FHIT: variants seen among roughly 807,000 people sequenced by gnomAD.
The protein encoded by FHIT is fragile histidine triad diadenosine triphosphatase.
FHIT carries 19 observed loss-of-function variants against 17.9 expected under a neutral mutation model. The observed-to-expected ratio is 1.06, with a 90% confidence interval of 0.74 to 1.56. The LOEUF (loss-of-function observed/expected upper bound fraction) is 1.56. Ranked by LOEUF, FHIT falls within the 40% of genes most tolerant of loss-of-function variation. The probability of loss-of-function intolerance (pLI) is 0.00; values close to 1 mark genes in which losing one functional copy is unlikely to be tolerated. For missense variants in FHIT, 248 were observed against 189.2 expected, an observed-to-expected ratio of 1.31 and a Z score of -1.82; for synonymous variants, 81 against 69.7, an observed-to-expected ratio of 1.16 and a Z score of -0.81.
intron 2 of FHIT, among the ~76,000 whole-genome samples, chr3:61,130,800 A>C (rs1318356258): frequency 6.6e-6 from 1 of 152,180 alleles, no homozygotes; most frequent in Non-Finnish European, 1.5e-5. Context: ...TGTTGAGTAC[A>C]GACGAAAAGA....
intron 4 of FHIT, among the ~76,000 whole-genome samples, chr3:60,555,776 AAC>A (rs2107634158): frequency 6.6e-6 from 1 of 152,296 alleles, no homozygotes; most frequent in Admixed American, 6.5e-5. Context: ...AGCATCATCC[AAC>A]ACTAACAAGC....
intron 8 of FHIT, among the ~76,000 whole-genome samples, chr3:59,828,135 C>T (rs2106690794): frequency 6.6e-6 from 1 of 152,274 alleles, no homozygotes; most frequent in East Asian, 1.9e-4. Flanking sequence ...CATGACTGAT[C>T]ATTTGATATT....
chr3:61,203,376 C>T (rs2039095499), intron 1 of FHIT, among the ~76,000 whole-genome samples: 1 of 151,366 alleles, frequency 6.6e-6, no homozygotes, highest in Non-Finnish European at 1.5e-5. Context: ...AAATTATATG[C>T]CCATGCTAAA....
intron 2 of FHIT, among the ~76,000 whole-genome samples, chr3:61,055,100 G>A (rs2034171712): frequency 6.6e-6 from 1 of 151,514 alleles, no homozygotes; most frequent in Non-Finnish European, 1.5e-5. Context: ...TTGTTTGTTT[G>A]TTTGTTTGTT....
intron 4 of FHIT, among the ~76,000 whole-genome samples, chr3:60,787,378 C>A (rs1553727264): frequency 6.6e-6 from 1 of 152,204 alleles, no homozygotes; most frequent in African/African-American, 2.4e-5. Context: ...TCCTGGACCC[C>A]TCATCCTGGG....
chr3:60,973,288 G>C (rs1710101055), intron 3 of FHIT, among the ~76,000 whole-genome samples: 1 of 152,114 alleles, frequency 6.6e-6, no homozygotes, highest in African/African-American at 2.4e-5. Flanking sequence ...GTTCTTCAGG[G>C]GCCTCAAGGA....
chr3:61,040,817 C>T (rs531975144), intron 3 of FHIT, among the ~76,000 whole-genome samples: 10 of 152,298 alleles, frequency 6.6e-5, no homozygotes, highest in African/African-American at 1.4e-4. Flanking sequence ...CCACTTATAC[C>T]TTATTCCCCC....
intron 2 of FHIT, among the ~76,000 whole-genome samples, chr3:61,098,875 A>T (rs116745292): frequency 2.6e-5 from 4 of 152,216 alleles, no homozygotes; most frequent in Admixed American, 2.6e-4. Flanking sequence ...TTTTCTAGAT[A>T]TAAGATTATG....
intron 5 of FHIT, among the ~76,000 whole-genome samples, chr3:60,441,153 T>A (rs2594246): frequency 0.13 from 19,607 of 151,532 alleles, 1,781 homozygotes; most frequent in East Asian, 0.4. Context: ...GAAAAGAATT[T>A]AAAAAAAAGG....
intron 5 of FHIT, among the ~76,000 whole-genome samples, chr3:60,292,923 ATACATG>A (rs1708052340): frequency 6.6e-6 from 1 of 152,178 alleles, no homozygotes; most frequent in East Asian, 1.9e-4. Flanking sequence ...CTGCTGAAGT[ATACATG>A]TATAAGCATG....
intron 5 of FHIT, among the ~76,000 whole-genome samples, chr3:60,366,125 C>A (rs1002012864): frequency 6.6e-6 from 1 of 152,136 alleles, no homozygotes; most frequent in Non-Finnish European, 1.5e-5. Flanking sequence ...TCCTACAAAT[C>A]ACTTTCTTGC....
intron 5 of FHIT, among the ~76,000 whole-genome samples, chr3:60,420,309 T>C (rs1702421067): frequency 6.6e-6 from 1 of 152,172 alleles, no homozygotes; most frequent in Non-Finnish European, 1.5e-5. Flanking sequence ...ATCCATAGCA[T>C]GTATAACACA....
At chr3:60,689,337 G>A (rs929694342) in intron 4 of FHIT, among the ~76,000 whole-genome samples, 7 of 152,058 alleles carry the variant, frequency 4.6e-5, no homozygotes, top group Non-Finnish European at 1.0e-4. Flanking sequence ...AAAAAAAATG[G>A]CATCTATACT....
At chr3:60,428,403 C>A (rs2107286370) in intron 5 of FHIT, among the ~76,000 whole-genome samples, 1 of 152,260 alleles carries the variant, frequency 6.6e-6, no homozygotes, top group Non-Finnish European at 1.5e-5. Context: ...ACAAGGCCTT[C>A]AATTCTTCTT....
chr3:60,750,111 A>C (rs1483583110), intron 4 of FHIT, among the ~76,000 whole-genome samples: 1 of 152,140 alleles, frequency 6.6e-6, no homozygotes, highest in Admixed American at 6.5e-5. Context: ...CATCTGACTC[A>C]TGCCTTCATG....
At chr3:59,755,989 G>A (rs148994791) in intron 8 of FHIT, among the ~76,000 whole-genome samples, 92 of 152,192 alleles carry the variant, frequency 6.0e-4, no homozygotes, top group Middle Eastern at 3.4e-3. Context: ...TTTGTAAAAT[G>A]GGAGTAGGAA....
At chr3:59,797,240 G>A (rs914343361) in intron 8 of FHIT, among the ~76,000 whole-genome samples, 4 of 150,890 alleles carry the variant, frequency 2.7e-5, no homozygotes, top group East Asian at 1.9e-4. Context: ...AAGCTGGAGT[G>A]CAGTGGCACA....
chr3:60,029,226 T>C (rs775433462), intron 5 of FHIT, among the ~76,000 whole-genome samples: 2 of 152,198 alleles, frequency 1.3e-5, no homozygotes, highest in Admixed American at 6.5e-5. Context: ...AGAACAGTCA[T>C]ACGTTTTCCC....
chr3:61,199,878 T>A (rs1440126997), intron 2 of FHIT, among the ~76,000 whole-genome samples: 1 of 152,188 alleles, frequency 6.6e-6, no homozygotes, highest in Non-Finnish European at 1.5e-5. Flanking sequence ...TTGCCCAGAA[T>A]GAATTCTTTA....
Sources: allele counts gnomAD v4.1 joint callset (sites outside exome capture counted in the v4.1 genomes callset), GRCh38; gene constraint gnomAD v4.1.1; transcripts MANE v1.5; gene names NCBI Gene and HGNC (gene_info 2026-07-23, HGNC 2026-07-21).